Variants in RBFOX1 observed in about 807,000 individuals in gnomAD.
RBFOX1 encodes the protein RNA binding protein fox-1 homolog 1.
RBFOX1 carries 8 observed loss-of-function variants against 57.7 expected under a neutral mutation model. The ratio of observed to expected loss-of-function variants is 0.14; its 90% CI spans 0.08 to 0.25. The LOEUF (loss-of-function observed/expected upper bound fraction) is 0.25, where lower values mean the gene tolerates loss of function less well. Ranked by LOEUF, RBFOX1 falls within the 10% of genes least tolerant of loss-of-function variation. RBFOX1 has a pLI of 1.00. For synonymous variants in RBFOX1, 326 were observed against 222.4 expected, an observed-to-expected ratio of 1.47 and a Z score of -4.15; for missense variants, 611 against 548.5, an observed-to-expected ratio of 1.11 and a Z score of -1.14.
At chr16:5,538,800 G>C (rs554712578) in intron 2 of RBFOX1, among the ~76,000 whole-genome samples, 2 of 152,004 alleles carry the variant, frequency 1.3e-5, no homozygotes, top group South Asian at 4.2e-4. Flanking sequence ...CTAATTTTTT[G>C]TATTTTTAGT....
At chr16:6,567,029 C>T (rs2097276256) in intron 2 of RBFOX1, among the ~76,000 whole-genome samples, 1 of 152,150 alleles carries the variant, frequency 6.6e-6, no homozygotes, top group Admixed American at 6.5e-5. Context: ...ATTACACAGT[C>T]AAATCGTTGA....
intron 4 of RBFOX1, among the ~76,000 whole-genome samples, chr16:7,086,970 A>T (rs1282888760): frequency 6.6e-6 from 1 of 152,012 alleles, no homozygotes; most frequent in Admixed American, 6.6e-5. Flanking sequence ...AGAGCCCTGC[A>T]CAGAGATGGG....
At chr16:6,820,383 C>T (rs1318162662) in intron 3 of RBFOX1, among the ~76,000 whole-genome samples, 5 of 152,092 alleles carry the variant, frequency 3.3e-5, no homozygotes, top group African/African-American at 1.2e-4. Flanking sequence ...GTGATAGGCC[C>T]AACACAGTGG....
chr16:5,459,726 TGCACGCACAC>T (rs1378016580), intron 1 of RBFOX1, among the ~76,000 whole-genome samples: 1 of 152,020 alleles, frequency 6.6e-6, no homozygotes. Context: ...CATACACACA[TGCACGCACAC>T]ACACGCTCAC....
intron 4 of RBFOX1, among the ~76,000 whole-genome samples, chr16:5,877,591 G>C (rs2151912522): frequency 6.6e-6 from 1 of 152,358 alleles, no homozygotes; most frequent in Non-Finnish European, 1.5e-5. Context: ...AATAATTCAA[G>C]GGTAAGCAGT....
At chr16:6,436,319 C>T (rs1408847524) in intron 2 of RBFOX1, among the ~76,000 whole-genome samples, 1 of 152,112 alleles carries the variant, frequency 6.6e-6, no homozygotes, top group Non-Finnish European at 1.5e-5. Flanking sequence ...AATGCCTTTT[C>T]TCTGTTAGTA....
At chr16:5,275,784 C>T (rs2063125996) in intron 1 of RBFOX1, among the ~76,000 whole-genome samples, 1 of 152,186 alleles carries the variant, frequency 6.6e-6, no homozygotes, top group African/African-American at 2.4e-5. Context: ...CAACTTCAAA[C>T]TATATTACAA....
At chr16:5,825,447 G>A (rs1216337600) in intron 3 of RBFOX1, among the ~76,000 whole-genome samples, 1 of 152,230 alleles carries the variant, frequency 6.6e-6, no homozygotes, top group African/African-American at 2.4e-5. Context: ...TTCGAAGGAA[G>A]TGTCTAGATC....
intron 3 of RBFOX1, among the ~76,000 whole-genome samples, chr16:6,780,488 T>TATATTTTTATATATTTATATA (rs1267272856): frequency 1.1e-5 from 1 of 91,400 alleles, no homozygotes; most frequent in East Asian, 3.7e-4. Flanking sequence ...TTATATATAT[T>TATATTTTTATATATTTATATA]TATATACATT....
rs1334786684 is a variant in RBFOX1 at position 6,806,841 on chromosome 16, T to A, written c.-16+152191T>A. On this transcript the variant is annotated intron_variant, in intron 3 of 15. Transcript: ENST00000550418. ...AAATATATATATATATATATATTTT[T>A]TTTTTTTTTTGAGAGAAAGTCTTGC... Among the ~76,000 whole-genome samples, 497 of 128,368 alleles carry A rather than the reference T, an allele frequency of 3.9e-3. 2 individuals carry two copies. Among genetic ancestry groups the A allele is most frequent in the South Asian group, 8.4e-3 (28 of 3,336 alleles). 84.2% of individuals were successfully genotyped at this position (128,368 alleles called of 152,430 possible). A position where few individuals can be genotyped will look rare whatever the true frequency, so the allele number is the denominator to read the frequency against.
chr16:6,555,476 G>T (rs2153890477), intron 2 of RBFOX1, among the ~76,000 whole-genome samples: 1 of 152,280 alleles, frequency 6.6e-6, no homozygotes, highest in Non-Finnish European at 1.5e-5. Context: ...GAGACAGGCG[G>T]ATCACGAGGT....
intron 3 of RBFOX1, among the ~76,000 whole-genome samples, chr16:6,819,906 G>A (rs1287585321): frequency 6.6e-6 from 1 of 152,024 alleles, no homozygotes; most frequent in East Asian, 1.9e-4. Flanking sequence ...ACAGAGCTCT[G>A]CACATCAGGG....
intron 2 of RBFOX1, among the ~76,000 whole-genome samples, chr16:6,573,175 T>C (rs1449677789): frequency 1.3e-5 from 2 of 152,146 alleles, no homozygotes; most frequent in African/African-American, 4.8e-5. Flanking sequence ...TTTACCATCA[T>C]TTCTATGTGA....
intron 3 of RBFOX1, among the ~76,000 whole-genome samples, chr16:6,893,467 G>A (rs1161841803): frequency 6.6e-6 from 1 of 152,138 alleles, no homozygotes; most frequent in Non-Finnish European, 1.5e-5. Flanking sequence ...AACTCTAGTA[G>A]CTGTGCGATA....
At chr16:5,803,127 T>A (rs2151757579) in intron 3 of RBFOX1, among the ~76,000 whole-genome samples, 1 of 152,190 alleles carries the variant, frequency 6.6e-6, no homozygotes, top group Non-Finnish European at 1.5e-5. Flanking sequence ...TCAGAGGGTC[T>A]CTCCATCCGC....
intron 2 of RBFOX1, among the ~76,000 whole-genome samples, chr16:6,573,144 G>A (rs1226427617): frequency 1.3e-5 from 2 of 152,022 alleles, no homozygotes; most frequent in African/African-American, 4.8e-5. Context: ...GTAGAGGCAG[G>A]GTTTCACCAC....
At chr16:7,368,545 G>A (rs1046946179) in intron 4 of RBFOX1, among the ~76,000 whole-genome samples, 9 of 151,986 alleles carry the variant, frequency 5.9e-5, no homozygotes, top group Non-Finnish European at 1.2e-4. Context: ...TTGGGAGGCC[G>A]AGGTGGGCAG....
chr16:7,063,085 G>C (rs1296583432), intron 4 of RBFOX1, among the ~76,000 whole-genome samples: 1 of 151,870 alleles, frequency 6.6e-6, no homozygotes, highest in East Asian at 1.9e-4. Context: ...ATGCCTCCCT[G>C]ATGCCTCTGT....
chr16:5,937,624 C>T (rs1315092514), intron 4 of RBFOX1, among the ~76,000 whole-genome samples: 1 of 149,906 alleles, frequency 6.7e-6, no homozygotes, highest in Admixed American at 6.7e-5. Flanking sequence ...ACATATAGAA[C>T]TTTATAATAC....
Sources: allele counts gnomAD v4.1 joint callset (sites outside exome capture counted in the v4.1 genomes callset), GRCh38; gene constraint gnomAD v4.1.1; transcripts MANE v1.5; gene names NCBI Gene and HGNC (gene_info 2026-07-23, HGNC 2026-07-21).